Variants in SPRY3 observed in about 807,000 individuals in gnomAD.
The protein encoded by SPRY3 is sprouty RTK signaling antagonist 3, also known as protein sprouty homolog 3.
Under a neutral mutation model 20.2 loss-of-function variants are expected in SPRY3, and 15 were observed. The observed-to-expected ratio is 0.74, with a 90% CI of 0.50 to 1.14. SPRY3 has a LOEUF of 1.14. SPRY3 is among the 50% of genes most tolerant of loss of function. The pLI is 0.00. For synonymous variants in SPRY3, 143 were observed against 136.5 expected (o/e 1.05, Z -0.33); for missense variants, 364 against 363.9 (o/e 1.00, Z 0.00).
At chrX:155,778,188 A>T (rs955575945), downstream of SPRY3, 97 of 167,072 alleles carry the variant, frequency 5.8e-4, 1 homozygote, top group Non-Finnish European at 9.1e-4. Context: ...CCAGAGTCAG[A>T]TATAGAAGGC....
At chrX:155,728,591 C>T (rs1338079454) in intron 2 of SPRY3, among the ~76,000 whole-genome samples, 2 of 152,338 alleles carry the variant, frequency 1.3e-5, no homozygotes, top group South Asian at 2.1e-4. Flanking sequence ...GTGAGCAAGG[C>T]TCCGTGGGCA....
At chrX:155,777,699 G>A (rs868088064), downstream of SPRY3, 26 of 47,820 alleles carry the variant, frequency 5.4e-4, no homozygotes, top group African/African-American at 2.6e-3. Flanking sequence ...AAATATATAC[G>A]AAAGAACTCT....
intron 2 of SPRY3, among the ~76,000 whole-genome samples, chrX:155,686,093 CTGAT>C (rs1233568180): frequency 8.9e-6 from 1 of 112,051 alleles, no homozygotes; most frequent in Non-Finnish European, 1.9e-5. Flanking sequence ...TTTTATTTAA[CTGAT>C]TATTTCAGTT....
At chrX:155,680,618 G>A (rs1382066234) in intron 2 of SPRY3, among the ~76,000 whole-genome samples, 2 of 110,882 alleles carry the variant, frequency 1.8e-5, no homozygotes, top group Non-Finnish European at 3.8e-5. Flanking sequence ...ACTGAGTTTC[G>A]GATAAATGTG....
intron 1 of SPRY3, among the ~76,000 whole-genome samples, chrX:155,635,920 G>A (rs951844768): frequency 1.8e-5 from 2 of 111,857 alleles, no homozygotes; most frequent in African/African-American, 6.5e-5. Flanking sequence ...ACTGAACAAT[G>A]GATAGACTGC....
chrX:155,627,726 T>G (rs1194238212), intron 1 of SPRY3, among the ~76,000 whole-genome samples: 3 of 110,670 alleles, frequency 2.7e-5, no homozygotes, highest in Non-Finnish European at 3.8e-5. Context: ...TAGGTAAATG[T>G]GTGCCATGGT....
chrX:155,719,322 G>A (rs1379072618), intron 2 of SPRY3, among the ~76,000 whole-genome samples: 1 of 152,126 alleles, frequency 6.6e-6, no homozygotes, highest in African/African-American at 2.4e-5. Flanking sequence ...AACATGAGTT[G>A]TGCAAGCCTT....
At chrX:155,765,378 C>G (rs1274045366) in intron 2 of SPRY3, among the ~76,000 whole-genome samples, 2 of 152,074 alleles carry the variant, frequency 1.3e-5, no homozygotes, top group African/African-American at 2.4e-5. Flanking sequence ...GTCTTTGGAC[C>G]TTGGTTTCTC....
chrX:155,671,806 C>A (rs1404338274), intron 2 of SPRY3, among the ~76,000 whole-genome samples: 1 of 111,309 alleles, frequency 9.0e-6, no homozygotes, highest in African/African-American at 3.3e-5. Flanking sequence ...TTTAATCCAT[C>A]TTGAATTAAT....
intron 2 of SPRY3, among the ~76,000 whole-genome samples, chrX:155,752,514 GAT>G (rs200297132): frequency 1.1e-4 from 17 of 150,192 alleles, no homozygotes; most frequent in African/African-American, 3.2e-4. Context: ...TTAATGTCTT[GAT>G]ATATATATAT....
exon 4 of SPRY3, chrX:155,774,675 T>G (rs1333859142): frequency 1.2e-6 from 2 of 1,613,716 alleles, no homozygotes; most frequent in African/African-American, 2.7e-5. Flanking sequence ...ACACCAACAC[T>G]GTGTGCAGAA....
intron 2 of SPRY3, among the ~76,000 whole-genome samples, chrX:155,733,529 G>A (rs1192464024): frequency 6.6e-6 from 1 of 151,704 alleles, no homozygotes. Flanking sequence ...CATTTCTAGA[G>A]CATAGGCAGA....
intron 2 of SPRY3, among the ~76,000 whole-genome samples, chrX:155,676,049 T>C (rs1557355207): frequency 9.0e-6 from 1 of 111,424 alleles, no homozygotes; most frequent in East Asian, 2.8e-4. Context: ...TTTTTTAAGC[T>C]CTGAAAATTT....
At chrX:155,741,293 A>T (rs1803164999) in intron 2 of SPRY3, among the ~76,000 whole-genome samples, 1 of 152,214 alleles carries the variant, frequency 6.6e-6, no homozygotes, top group Non-Finnish European at 1.5e-5. Flanking sequence ...CAGGTGGACA[A>T]GAAAAGAGAA....
chrX:155,637,463 T>C (rs1184918794), intron 1 of SPRY3, among the ~76,000 whole-genome samples: 1 of 111,134 alleles, frequency 9.0e-6, no homozygotes, highest in Non-Finnish European at 1.9e-5. Flanking sequence ...TTCCTGCCAG[T>C]AGCAGCAGCT....
chrX:155,729,423 A>G (rs1289681258), intron 2 of SPRY3, among the ~76,000 whole-genome samples: 2 of 152,272 alleles, frequency 1.3e-5, no homozygotes, highest in South Asian at 2.1e-4. Flanking sequence ...TGGAAACTAA[A>G]GAAATACATG....
At chrX:155,700,168 C>A (rs961460739) in intron 2 of SPRY3, among the ~76,000 whole-genome samples, 2 of 108,837 alleles carry the variant, frequency 1.8e-5, no homozygotes, top group African/African-American at 6.7e-5. Context: ...AGAAGATAAA[C>A]AAATGGCCAA....
At chrX:155,773,334 A>AT (rs1360181063) in intron 3 of SPRY3, among the ~76,000 whole-genome samples, 2 of 145,850 alleles carry the variant, frequency 1.4e-5, no homozygotes, top group Non-Finnish European at 3.0e-5. Flanking sequence ...ATATATATAT[A>AT]TATATATGAG....
intron 2 of SPRY3, among the ~76,000 whole-genome samples, chrX:155,697,522 C>CACACATATATAT (rs750002413): frequency 4.1e-4 from 41 of 99,340 alleles, no homozygotes; most frequent in South Asian, 1.4e-3. Flanking sequence ...CACACACACA[C>CACACATATATAT]ATATATATAT....
Sources: allele counts gnomAD v4.1 joint callset (sites outside exome capture counted in the v4.1 genomes callset), GRCh38; gene constraint gnomAD v4.1.1; transcripts MANE v1.5; gene names NCBI Gene and HGNC (gene_info 2026-07-23, HGNC 2026-07-21).